FOXP1: variants seen among roughly 807,000 people sequenced by gnomAD.
The protein encoded by FOXP1 is forkhead box P1.
Under a neutral mutation model 98.2 loss-of-function variants are expected in FOXP1, and 15 were observed. That is an observed-to-expected ratio of 0.15 (90% confidence interval 0.10 to 0.24). The LOEUF is 0.24. Ranked by LOEUF, FOXP1 falls within the 10% of genes least tolerant of loss-of-function variation. FOXP1 has a pLI of 1.00. For missense variants in FOXP1, 633 were observed against 848.5 expected (o/e 0.75, Z 3.15); for synonymous variants, 371 against 314.5 (o/e 1.18, Z -1.90).
At chr3:71,181,067 C>T (rs986499339) in intron 6 of FOXP1, among the ~76,000 whole-genome samples, 2 of 152,188 alleles carry the variant, frequency 1.3e-5, no homozygotes, top group South Asian at 2.1e-4. Context: ...AATAAGAATT[C>T]GTACTGAGTT....
At chr3:71,383,322 A>G (rs1461370925) in intron 3 of FOXP1, among the ~76,000 whole-genome samples, 1 of 152,224 alleles carries the variant, frequency 6.6e-6, no homozygotes, top group Non-Finnish European at 1.5e-5. Flanking sequence ...AATGACATAT[A>G]AAGTGTCAAA....
intron 2 of FOXP1, among the ~76,000 whole-genome samples, chr3:71,577,679 G>A (rs2047828900): frequency 6.6e-6 from 1 of 151,860 alleles, no homozygotes; most frequent in Non-Finnish European, 1.5e-5. Context: ...CAAATGACAA[G>A]AAAGATCATT....
intron 14 of FOXP1, among the ~76,000 whole-genome samples, chr3:70,983,140 GCCTTT>G (rs969183966): frequency 6.6e-4 from 100 of 152,230 alleles, no homozygotes; most frequent in Non-Finnish European, 1.1e-3. Context: ...TTTGTTACAA[GCCTTT>G]CCTTTCCTTT....
intron 11 of FOXP1, among the ~76,000 whole-genome samples, chr3:71,030,772 G>A (rs530806483): frequency 4.0e-5 from 6 of 151,852 alleles, no homozygotes; most frequent in Admixed American, 1.3e-4. Flanking sequence ...TTATTCAAAC[G>A]CCACTGGATT....
At chr3:71,549,860 T>TAAAAAAA (rs55826932) in intron 2 of FOXP1, among the ~76,000 whole-genome samples, 2 of 59,896 alleles carry the variant, frequency 3.3e-5, no homozygotes, top group Admixed American at 2.1e-4. Flanking sequence ...ATGCTGGGAG[T>TAAAAAAA]AAAAAAAAAA....
At chr3:71,541,341 T>C (rs1400929877) in intron 2 of FOXP1, among the ~76,000 whole-genome samples, 1 of 152,186 alleles carries the variant, frequency 6.6e-6, no homozygotes. Flanking sequence ...AAGAAGGGTA[T>C]GGGAGTTGGG....
rs188325389 is a variant in FOXP1, at chr3:71,557,748, G to A, written c.-298+23801C>T. 2.6e-5 allele frequency among the ~76,000 whole-genome samples: 4 copies of A among 152,318 alleles called. No homozygotes were observed. The East Asian group carries it at 7.7e-4, about 29-fold the overall frequency. On this transcript the variant is annotated intron_variant, in intron 2 of 20. Transcript: ENST00000649528. ...CATTCTACCTTACATGCCACATTAG[G>A]AGAGAATGGCTTTGCCCATGCTTCC...
chr3:71,281,464 G>A (rs2071559451), intron 5 of FOXP1, among the ~76,000 whole-genome samples: 1 of 152,164 alleles, frequency 6.6e-6, no homozygotes, highest in Admixed American at 6.5e-5. Context: ...CTTCCAAACA[G>A]ACAGGGATTC....
intron 6 of FOXP1, among the ~76,000 whole-genome samples, chr3:71,119,308 C>T (rs2058591898): frequency 1.3e-5 from 2 of 152,132 alleles, no homozygotes; most frequent in African/African-American, 4.8e-5. Context: ...TATTGGTGGC[C>T]AGTCGAGAGT....
chr3:71,125,171 G>C (rs531801123), intron 6 of FOXP1, among the ~76,000 whole-genome samples: 1 of 152,216 alleles, frequency 6.6e-6, no homozygotes, highest in East Asian at 1.9e-4. Flanking sequence ...GGGAGATGAT[G>C]ATACTGGTGG....
At chr3:71,234,365 A>T (rs17008389) in intron 5 of FOXP1, among the ~76,000 whole-genome samples, 44,861 of 152,040 alleles carry the variant, frequency 0.3, 6,698 homozygotes, top group South Asian at 0.4. Flanking sequence ...CATCCGACAA[A>T]ATGGACAAGC....
chr3:71,284,178 G>T (rs2107443704), intron 5 of FOXP1, among the ~76,000 whole-genome samples: 1 of 152,272 alleles, frequency 6.6e-6, no homozygotes, highest in Non-Finnish European at 1.5e-5. Context: ...GAAAAAGCAA[G>T]ATGGCAAGAC....
chr3:71,321,553 A>G (rs2075392272), intron 4 of FOXP1, among the ~76,000 whole-genome samples: 1 of 152,186 alleles, frequency 6.6e-6, no homozygotes, highest in Non-Finnish European at 1.5e-5. Context: ...TAGAATATCA[A>G]AAGAAATTTC....
intron 3 of FOXP1, among the ~76,000 whole-genome samples, chr3:71,471,907 G>A (rs944872945): frequency 6.6e-6 from 1 of 152,168 alleles, no homozygotes; most frequent in Non-Finnish European, 1.5e-5. Flanking sequence ...AACACCAGGT[G>A]ACTCCCAGGT....
chr3:71,275,804 T>C (rs987103346), intron 5 of FOXP1, among the ~76,000 whole-genome samples: 1 of 152,060 alleles, frequency 6.6e-6, no homozygotes, highest in South Asian at 2.1e-4. Context: ...GTTACGGGAG[T>C]GGTTCCCCAT....
At chr3:71,287,038 C>T (rs1400808926) in intron 5 of FOXP1, among the ~76,000 whole-genome samples, 1 of 151,842 alleles carries the variant, frequency 6.6e-6, no homozygotes, top group Non-Finnish European at 1.5e-5. Flanking sequence ...TAGTAATGAA[C>T]GTAGCTTTAA....
intron 11 of FOXP1, among the ~76,000 whole-genome samples, chr3:71,017,742 A>T (rs558390160): frequency 6.6e-6 from 1 of 152,156 alleles, no homozygotes; most frequent in African/African-American, 2.4e-5. Context: ...CATGTTTGTT[A>T]TATTTGTAGA....
intron 13 of FOXP1, 37 bp downstream of exon 13, chr3:71,000,935 A>T: frequency 7.4e-7 from 1 of 1,355,954 alleles, no homozygotes; most frequent in South Asian, 1.2e-5. Context: ...AATTTGAGGC[A>T]TACTGAGGTT....
At chr3:71,267,390 C>T (rs2069800279) in intron 5 of FOXP1, among the ~76,000 whole-genome samples, 1 of 152,034 alleles carries the variant, frequency 6.6e-6, no homozygotes, top group Non-Finnish European at 1.5e-5. Context: ...GACTCGATGG[C>T]TAGATGTTCT....
Sources: allele counts gnomAD v4.1 joint callset (sites outside exome capture counted in the v4.1 genomes callset), GRCh38; gene constraint gnomAD v4.1.1; transcripts MANE v1.5; gene names NCBI Gene and HGNC (gene_info 2026-07-23, HGNC 2026-07-21).